ADAMTS3: variants seen among roughly 807,000 people sequenced by gnomAD.
The protein encoded by ADAMTS3 is ADAM metallopeptidase with thrombospondin type 1 motif 3, also known as A disintegrin and metalloproteinase with thrombospondin motifs 3.
In ADAMTS3, 73 loss-of-function variants were observed where a neutral mutation model predicts 129.0. The ratio of observed to expected loss-of-function variants is 0.57; its 90% CI spans 0.47 to 0.69. The LOEUF is 0.69. Among genes scored for constraint, ADAMTS3 ranks in the 30% least tolerant of loss-of-function variants. The probability of loss-of-function intolerance (pLI) is 0.00; values close to 1 mark genes in which losing one functional copy is unlikely to be tolerated. For missense variants in ADAMTS3, 1,457 were observed against 1,514.5 expected (o/e 0.96, Z 0.63); for synonymous variants, 477 against 510.8 (o/e 0.93, Z 0.89).
chr4:72,342,515 C>T (rs1241212739), intron 4 of ADAMTS3, among the ~76,000 whole-genome samples: 1 of 151,972 alleles, frequency 6.6e-6, no homozygotes, highest in African/African-American at 2.4e-5. Context: ...AGGCACACAC[C>T]ACCATGCCCA....
intron 4 of ADAMTS3, among the ~76,000 whole-genome samples, chr4:72,367,449 T>C (rs904008744): frequency 6.6e-6 from 1 of 152,106 alleles, no homozygotes; most frequent in Non-Finnish European, 1.5e-5. Context: ...AAAAGCACCA[T>C]ATAAATACAT....
chr4:72,341,987 AGACTGCTCT>A (rs1343452629), intron 4 of ADAMTS3, among the ~76,000 whole-genome samples: 3 of 152,170 alleles, frequency 2.0e-5, no homozygotes, highest in African/African-American at 4.8e-5. Flanking sequence ...TTATAATTAC[AGACTGCTCT>A]GAGGCTGTGA....
At chr4:72,290,256 T>C (rs1189180973) in intron 20 of ADAMTS3, among the ~76,000 whole-genome samples, 1 of 151,632 alleles carries the variant, frequency 6.6e-6, no homozygotes, top group African/African-American at 2.4e-5. Context: ...AGAGTTATAA[T>C]ACTCTGTCAT....
chr4:72,437,264 A>G (rs946107088), intron 3 of ADAMTS3, among the ~76,000 whole-genome samples: 9 of 151,878 alleles, frequency 5.9e-5, no homozygotes, highest in African/African-American at 2.2e-4. Context: ...TAGGAAGTAC[A>G]AATGCAGTGT....
chr4:72,384,866 C>T (rs1721394477), intron 4 of ADAMTS3, among the ~76,000 whole-genome samples: 1 of 152,038 alleles, frequency 6.6e-6, no homozygotes. Context: ...CCTGTTATAA[C>T]TATAGCATAA....
At chr4:72,432,289 G>C (rs1722720306) in intron 3 of ADAMTS3, among the ~76,000 whole-genome samples, 1 of 151,870 alleles carries the variant, frequency 6.6e-6, no homozygotes, top group East Asian at 1.9e-4. Context: ...AATGGGAGAA[G>C]AGAGAAGGCA....
At chr4:72,387,994 A>G (rs1721491627) in intron 4 of ADAMTS3, among the ~76,000 whole-genome samples, 1 of 152,234 alleles carries the variant, frequency 6.6e-6, no homozygotes, top group Non-Finnish European at 1.5e-5. Flanking sequence ...AATTACTAGC[A>G]GCCAATATCT....
intron 4 of ADAMTS3, among the ~76,000 whole-genome samples, chr4:72,412,966 T>G (rs997346343): frequency 3.9e-5 from 6 of 152,078 alleles, no homozygotes; most frequent in African/African-American, 1.4e-4. Context: ...ATGTCCCAAA[T>G]TTCTGTAATT....
chr4:72,286,100 C>G (rs948731520), intron 21 of ADAMTS3, among the ~76,000 whole-genome samples: 6 of 152,216 alleles, frequency 3.9e-5, no homozygotes, highest in African/African-American at 1.4e-4. Flanking sequence ...GATAGTTAAG[C>G]TATCTTATTA....
intron 3 of ADAMTS3, among the ~76,000 whole-genome samples, chr4:72,435,054 T>C (rs1441908194): frequency 6.6e-6 from 1 of 151,880 alleles, no homozygotes; most frequent in Non-Finnish European, 1.5e-5. Context: ...TTTGACCTCA[T>C]GGCCAATAGC....
At chr4:72,556,680 C>T (rs1367459026) in intron 2 of ADAMTS3, among the ~76,000 whole-genome samples, 3 of 151,690 alleles carry the variant, frequency 2.0e-5, no homozygotes, top group Non-Finnish European at 2.9e-5. Context: ...GACTGATGCA[C>T]GCTTTGGCAT....
chr4:72,547,745 C>A (rs1012660307), intron 3 of ADAMTS3, among the ~76,000 whole-genome samples: 1 of 151,810 alleles, frequency 6.6e-6, no homozygotes, highest in South Asian at 2.1e-4. Flanking sequence ...CAGAAAACAC[C>A]AACACATTTT....
At chr4:72,339,261 C>T (rs2109831248) in intron 5 of ADAMTS3, among the ~76,000 whole-genome samples, 1 of 152,264 alleles carries the variant, frequency 6.6e-6, no homozygotes, top group South Asian at 2.1e-4. Context: ...ATGATTCCCC[C>T]TTGACAACAA....
intron 3 of ADAMTS3, among the ~76,000 whole-genome samples, chr4:72,525,276 A>G (rs941625756): frequency 6.6e-6 from 1 of 152,206 alleles, no homozygotes; most frequent in African/African-American, 2.4e-5. Context: ...CTTCTATGAG[A>G]AAGTGCTCCA....
intron 4 of ADAMTS3, among the ~76,000 whole-genome samples, chr4:72,412,013 T>C (rs1039169184): frequency 1.2e-4 from 18 of 152,088 alleles, no homozygotes; most frequent in African/African-American, 4.3e-4. Context: ...TCTGAGGAAC[T>C]AAACTGCCAA....
At chr4:72,301,266 A>G (rs1394697284) in intron 17 of ADAMTS3, among the ~76,000 whole-genome samples, 1 of 152,166 alleles carries the variant, frequency 6.6e-6, no homozygotes, top group Non-Finnish European at 1.5e-5. Context: ...TATCCACAAA[A>G]GAAAACATTA....
rs79007907 is a variant in ADAMTS3 at position 72,466,736 on chromosome 4, G to T, written c.505-51765C>A. Among the ~76,000 whole-genome samples the T allele has an allele frequency of 8.6e-3, 1,301 of 151,918 alleles. 22 individuals carry two copies. The highest frequency in any genetic ancestry group is 0.03 in the African/African-American group (1,241 of 41,462). ...ACCCTTGACCATCTTCTCTTCTCTTGTTCTCTTCTCTTTTTATCATTTCCA... is the reference window on the plus strand; with the variant it reads ...ACCCTTGACCATCTTCTCTTCTCTTTTTCTCTTCTCTTTTTATCATTTCCA... On this transcript the variant is annotated intron_variant, in intron 3 of 21. Transcript: ENST00000286657.
At chr4:72,563,243 A>C (rs1427738539) in intron 2 of ADAMTS3, among the ~76,000 whole-genome samples, 1 of 152,236 alleles carries the variant, frequency 6.6e-6, no homozygotes, top group Non-Finnish European at 1.5e-5. Context: ...ATCTTGAAGC[A>C]GTTAACATTC....
chr4:72,347,347 G>C (rs1462195782), intron 4 of ADAMTS3, among the ~76,000 whole-genome samples: 2 of 150,394 alleles, frequency 1.3e-5, no homozygotes, highest in Admixed American at 6.6e-5. Flanking sequence ...GTGAAGCTAA[G>C]AGCAGCCTGA....
Sources: gnomAD v4.1 joint callset for allele counts (sites outside exome capture counted in the v4.1 genomes callset) on GRCh38, gnomAD v4.1.1 for gene constraint, MANE v1.5 for transcripts, NCBI Gene and HGNC (gene_info 2026-07-23, HGNC 2026-07-21) for gene names.